The following ADCK2 variants were observed in gnomAD, a reference collection of about 807,000 sequenced individuals.
ADCK2 encodes uncharacterized aarF domain-containing protein kinase 2.
Under a neutral mutation model 52.3 loss-of-function variants are expected in ADCK2, and 37 were observed. The ratio of observed to expected loss-of-function variants is 0.71; its 90% CI spans 0.54 to 0.93. The LOEUF (loss-of-function observed/expected upper bound fraction) is 0.93, where lower values mean the gene tolerates loss of function less well. Ranked by LOEUF, ADCK2 falls within the 40% of genes least tolerant of loss-of-function variation. The probability of loss-of-function intolerance (pLI) is 0.00; values close to 1 mark genes in which losing one functional copy is unlikely to be tolerated. For synonymous variants in ADCK2, 321 were observed against 349.2 expected (o/e 0.92, Z 0.90); for missense variants, 695 against 798.7 (o/e 0.87, Z 1.56).
In ADCK2 at chr7:140,678,115, G is replaced by T. The variant is rs1445569855; in HGVS notation, c.1081-1040G>T. ...CAAGGAGCACACTCGAGGCACCTCT[G>T]TTTGTGCTCAGGTGACTGGACCTGA... On this transcript the variant is annotated intron_variant, in intron 2 of 7. Transcript: ENST00000072869. The surrounding 1 kb of genome is among the most constrained non-coding windows in gnomAD (Gnocchi z 4.9). Among the ~76,000 whole-genome samples the T allele has an allele frequency of 6.6e-6, 1 of 152,204 alleles. No homozygotes were observed. Among genetic ancestry groups the T allele is most frequent in the African/African-American group, 2.4e-5 (1 of 41,458 alleles).
chr7:140,675,704 T>G (rs754626816), intron 2 of ADCK2, among the ~76,000 whole-genome samples: 4 of 152,186 alleles, frequency 2.6e-5, no homozygotes, highest in African/African-American at 4.8e-5. Flanking sequence ...AGGAAATGAT[T>G]CTGGTGGAGA....
chr7:140,688,796 A>G (rs1409733224), intron 5 of ADCK2, among the ~76,000 whole-genome samples: 1 of 152,168 alleles, frequency 6.6e-6, no homozygotes, highest in Non-Finnish European at 1.5e-5. Flanking sequence ...GAGGGTCTGC[A>G]GTGGTTGAGA....
chr7:140,681,429 TGCCTCA>T lies in ADCK2; in HGVS notation c.1305+298_1305+303del, dbSNP rs773222002. Among the ~76,000 whole-genome samples, 3 of 152,056 alleles carry T rather than the reference TGCCTCA, an allele frequency of 2.0e-5. No individual in the cohort carries two copies. The East Asian group carries it at 5.8e-4, about 29-fold the overall frequency. On this transcript the variant is annotated intron_variant, in intron 4 of 7. Coordinates refer to ENST00000072869, the MANE Select transcript of ADCK2 (RefSeq NM_052853.4). ...GCCTCCTGGGTTCACGCCATTCTCC[TGCCTCA>T]GCCTCCCAAGTAGCTGGGACTACAG...
intron 5 of ADCK2, among the ~76,000 whole-genome samples, chr7:140,688,770 C>T (rs1215317772): frequency 1.3e-5 from 2 of 152,100 alleles, no homozygotes; most frequent in African/African-American, 4.8e-5. Context: ...GTTTTTGCAG[C>T]CTCCCCTGTG....
At chr7:140,690,312 C>T (rs1794682858) in intron 6 of ADCK2, among the ~76,000 whole-genome samples, 1 of 152,150 alleles carries the variant, frequency 6.6e-6, no homozygotes. Context: ...AAGCGATTCT[C>T]CTGCCTCAGC....
In ADCK2 at chr7:140,673,358, A is replaced by T; in HGVS notation, c.28A>T (p.Arg10Trp). 6.8e-7 allele frequency: 1 copy of T among 1,479,260 alleles called. No individual in the cohort carries two copies. Among genetic ancestry groups the T allele is most frequent in the Non-Finnish European group, 9.0e-7 (1 of 1,113,620 alleles). 91.6% of individuals were successfully genotyped at this position (1,479,260 alleles called of 1,614,324 possible). A position where few individuals can be genotyped will look rare whatever the true frequency, so the allele number is the denominator to read the frequency against. The change falls in exon 1 of 8, where the codon AGG (arginine) becomes TGG (tryptophan). Residue 10 changes from arginine to tryptophan, a missense_variant. Arg to Trp is a moderately radical substitution (Grantham distance 101). Coordinates refer to ENST00000072869, the MANE Select transcript of ADCK2 (RefSeq NM_052853.4). This position sits in a 1 kb window ranked among gnomAD's most constrained non-coding sequence, Gnocchi z 6.4. MVAPWRVSV[R>W]VCLSHLRCFE... Reference sequence around the variant, plus strand: ...GGTGGCGCCCTGGCGCGTCTCCGTCAGGGTTTGCCTGTCGCACCTGAGGTG... The same window carrying T: ...GGTGGCGCCCTGGCGCGTCTCCGTCTGGGTTTGCCTGTCGCACCTGAGGTG...
chr7:140,688,161 C>T (rs949883449), intron 5 of ADCK2, among the ~76,000 whole-genome samples: 9 of 151,868 alleles, frequency 5.9e-5, no homozygotes, highest in African/African-American at 1.9e-4. Flanking sequence ...TCTCCTGCCA[C>T]GCCTCCTGAG....
rs78587141 is a variant in ADCK2 at position 140,688,737 on chromosome 7, C to T, written c.1558-860C>T. ...CTAAGTGGGGCACAGCATGCTGGCA[C>T]GTCCGATGTGGGGACATGAGTAGTT... On this transcript the variant is annotated intron_variant, in intron 5 of 7. Coordinates refer to ENST00000072869, the MANE Select transcript of ADCK2 (RefSeq NM_052853.4). Among the ~76,000 whole-genome samples the T allele has an allele frequency of 2.3e-3, 347 of 152,316 alleles. 1 individual carries two copies. The highest frequency in any genetic ancestry group is 7.9e-3 in the African/African-American group (330 of 41,574).
chr7:140,694,762 G>A lies in ADCK2; in HGVS notation c.1840G>A (p.Ala614Thr), dbSNP rs1794769723. 1 of 1,614,006 alleles carries A rather than the reference G, an allele frequency of 6.2e-7. No individual in the cohort carries two copies. The highest frequency in any genetic ancestry group is 8.5e-7 in the Non-Finnish European group (1 of 1,179,934). The part of the protein sequence containing the change: ...LDPKLDILEA[A>T]RPFLLTGPVC... ...CCCCAAACTGGACATCCTGGAGGCA[G>A]CGAGGCCCTTCCTCCTCACGGGCCC... Residue 614 changes from alanine (A) to threonine (T), a missense_variant, in exon 8 of 8, where the codon GCG (alanine) becomes ACG (threonine). Transcript: ENST00000072869.
At chr7:140,690,091 C>A (rs1794678235) in intron 6 of ADCK2, among the ~76,000 whole-genome samples, 1 of 152,216 alleles carries the variant, frequency 6.6e-6, no homozygotes, top group African/African-American at 2.4e-5. Context: ...ATACACAGTT[C>A]TAGCAAATGT....
chr7:140,693,162 T>G lies in ADCK2; in HGVS notation c.1741-1501T>G, dbSNP rs1414287862. 6.6e-6 allele frequency among the ~76,000 whole-genome samples: 1 copy of G among 152,228 alleles called. No homozygotes were observed. The highest frequency in any genetic ancestry group is 1.5e-5 in the Non-Finnish European group (1 of 68,044). ...AAATATCTATTCAGGTAGCACTTAA[T>G]TTTTTTAAATAAAGTATTTGACAGT... On this transcript the variant is annotated intron_variant, in intron 7 of 7. Coordinates refer to ENST00000072869, the MANE Select transcript of ADCK2 (RefSeq NM_052853.4). This position sits in a 1 kb window ranked among gnomAD's most constrained non-coding sequence, Gnocchi z 4.0.
chr7:140,678,234 G>A lies in ADCK2; in HGVS notation c.1081-921G>A, dbSNP rs935898461. Among the ~76,000 whole-genome samples, 5 of 152,308 alleles carry A rather than the reference G, an allele frequency of 3.3e-5. No individual in the cohort carries two copies. The highest frequency in any genetic ancestry group is 6.5e-5 in the Admixed American group (1 of 15,302). On this transcript the variant is annotated intron_variant, in intron 2 of 7. Coordinates refer to ENST00000072869, the MANE Select transcript of ADCK2 (RefSeq NM_052853.4). The surrounding 1 kb of genome is among the most constrained non-coding windows in gnomAD (Gnocchi z 4.9). ...ATGGCATTGGGCCATTGCTGTGCACGGAGGGGAAGAGAGAAGGCATGATCT... is the reference window on the plus strand; with the variant it reads ...ATGGCATTGGGCCATTGCTGTGCACAGAGGGGAAGAGAGAAGGCATGATCT...
At chr7:140,685,479 C>T (rs1794590321) in intron 4 of ADCK2, among the ~76,000 whole-genome samples, 1 of 151,786 alleles carries the variant, frequency 6.6e-6, no homozygotes, top group African/African-American at 2.4e-5. Context: ...TATACCAGGG[C>T]CAAGATTAGT....
rs944975254 is a variant in ADCK2 at position 140,695,108 on chromosome 7, T to C, written c.*305T>C. The C allele has an allele frequency of 4.3e-5, 48 of 1,119,772 alleles. No individual in the cohort carries two copies. The highest frequency in any genetic ancestry group is 5.2e-5 in the Non-Finnish European group (48 of 916,530). The allele number at this position is 1,119,772 out of a possible 1,614,324, so 69.4% of individuals were successfully genotyped here. A position where few individuals can be genotyped will look rare whatever the true frequency, so the allele number is the denominator to read the frequency against. On this transcript the variant is annotated 3_prime_UTR_variant, in exon 8 of 8. Coordinates refer to ENST00000072869, the MANE Select transcript of ADCK2 (RefSeq NM_052853.4). The stretch of plus-strand genomic sequence containing the variant: ...GAGGACGAATAAATTTATTTTGTTT[T>C]CCTGTTTTTCTCATTTCTTGACCCG...
chr7:140,684,777 C>T (rs1188897480), intron 4 of ADCK2, among the ~76,000 whole-genome samples: 1 of 152,172 alleles, frequency 6.6e-6, no homozygotes, highest in Non-Finnish European at 1.5e-5. Context: ...TAATTCCACT[C>T]CACCCCAGGG....
chr7:140,679,365 G>A, intron 3 of ADCK2, 82 bp downstream of exon 3: 2 of 1,564,170 alleles, frequency 1.3e-6, no homozygotes, highest in Non-Finnish European at 1.7e-6. Context: ...AAAGGCTTCA[G>A]TCTGGAGAGA....
intron 2 of ADCK2, 94 bp from the exon 3 acceptor site, chr7:140,679,061 G>A: frequency 6.7e-7 from 1 of 1,488,942 alleles, no homozygotes; most frequent in Non-Finnish European, 9.2e-7. Context: ...GGAAGGTGGG[G>A]TGGATCTCAT....
In ADCK2 at chr7:140,687,116, G is replaced by C; in HGVS notation, c.1432G>C (p.Val478Leu). 6.2e-7 allele frequency: 1 copy of C among 1,613,882 alleles called. No homozygotes were observed. Among genetic ancestry groups the C allele is most frequent in the Non-Finnish European group, 8.5e-7 (1 of 1,180,012 alleles). Residue 478 changes from valine to leucine, a missense_variant, in exon 5 of 8, where the codon GTG (valine) becomes CTG (leucine). Val to Leu is a conservative substitution (Grantham distance 32, BLOSUM62 1). Coordinates refer to ENST00000072869, the MANE Select transcript of ADCK2 (RefSeq NM_052853.4). ...QQADICDTLVVAVPSSLCPLR... is the reference protein window; with the variant it reads ...QQADICDTLVLAVPSSLCPLR... Reference sequence around the variant, plus strand: ...GGCGGACATCTGTGACACTCTGGTGGTGGCCGTGCCATCTTCCCTCTGCCC... The same window carrying C: ...GGCGGACATCTGTGACACTCTGGTGCTGGCCGTGCCATCTTCCCTCTGCCC...
Position 140,692,995 on chromosome 7 carries a change from C to T in ADCK2, c.1741-1668C>T, listed in dbSNP as rs1193595634. 5.3e-5 allele frequency among the ~76,000 whole-genome samples: 8 copies of T among 152,234 alleles called. No homozygotes were observed. The East Asian group carries it at 1.5e-3, about 29-fold the overall frequency. ...CATCCTCACCAACACTTGTCATTTTCTGTTTTGTTTTTAGTGGCCATCCTA... is the reference window on the plus strand; with the variant it reads ...CATCCTCACCAACACTTGTCATTTTTTGTTTTGTTTTTAGTGGCCATCCTA... On this transcript the variant is annotated intron_variant, in intron 7 of 7. Coordinates refer to ENST00000072869, the MANE Select transcript of ADCK2 (RefSeq NM_052853.4).
Sources: allele counts gnomAD v4.1 joint callset (sites outside exome capture counted in the v4.1 genomes callset), GRCh38; gene constraint gnomAD v4.1.1; non-coding constraint Gnocchi (gnomAD v3.1); transcripts MANE v1.5; gene names NCBI Gene and HGNC (gene_info 2026-07-23, HGNC 2026-07-21).